Variants in DCDC2C observed in about 807,000 individuals in gnomAD.
DCDC2C encodes the protein doublecortin domain containing 2C, also known as doublecortin domain-containing protein 2C.
In DCDC2C, 44 loss-of-function variants were observed where a neutral mutation model predicts 45.0. The ratio of observed to expected loss-of-function variants is 0.98; its 90% CI spans 0.77 to 1.26. The LOEUF (loss-of-function observed/expected upper bound fraction) is 1.26, where lower values mean the gene tolerates loss of function less well. DCDC2C is among the 50% of genes most tolerant of loss of function. The probability of loss-of-function intolerance (pLI) is 0.00; values close to 1 mark genes in which losing one functional copy is unlikely to be tolerated. For missense variants in DCDC2C, 447 were observed against 468.9 expected (o/e 0.95, Z 0.43); for synonymous variants, 187 against 178.8 (o/e 1.05, Z -0.37).
chr2:3,741,930 A>G lies in DCDC2C; in HGVS notation c.427A>G (p.Asn143Asp). 1 of 1,547,276 alleles carries G rather than the reference A, an allele frequency of 6.5e-7. No homozygotes were observed. The highest frequency in any genetic ancestry group is 8.7e-7 in the Non-Finnish European group (1 of 1,145,758). The change falls in exon 4 of 11, where the codon AAT becomes GAT. Residue 143 changes from asparagine to aspartate, a missense_variant. Transcript: ENST00000399143. ...RISRHINVFT[N>D]GRLFIPPAKI... Reference sequence around the variant, plus strand: ...TTTTTATTCTTACAGTGTTTTTACAAATGGAAGATTATTTATTCCACCTGC... The same window carrying G: ...TTTTTATTCTTACAGTGTTTTTACAGATGGAAGATTATTTATTCCACCTGC...
At chr2:3,767,443 C>A (rs571653445) in intron 6 of DCDC2C, among the ~76,000 whole-genome samples, 15 of 152,314 alleles carry the variant, frequency 9.8e-5, no homozygotes, top group African/African-American at 3.6e-4. Flanking sequence ...CTTGCTTGTT[C>A]CTCTAAAGCA....
At chr2:3,837,073 TC>T (rs1672098996) in intron 10 of DCDC2C, among the ~76,000 whole-genome samples, 1 of 152,166 alleles carries the variant, frequency 6.6e-6, no homozygotes, top group Non-Finnish European at 1.5e-5. Flanking sequence ...CCTTCAGCCT[TC>T]CTTTCCGTCT....
chr2:3,765,348 T>C (rs1278281561), intron 6 of DCDC2C, among the ~76,000 whole-genome samples: 3 of 152,140 alleles, frequency 2.0e-5, no homozygotes, highest in African/African-American at 7.2e-5. Context: ...CAGGGTGTCA[T>C]AGGGACACAT....
At chr2:3,772,945 T>C (rs1670221878) in intron 8 of DCDC2C, among the ~76,000 whole-genome samples, 1 of 152,194 alleles carries the variant, frequency 6.6e-6, no homozygotes, top group African/African-American at 2.4e-5. Context: ...CTGTGGGTGC[T>C]CATCTGTGGC....
chr2:3,760,326 T>C (rs1204900656), intron 6 of DCDC2C, among the ~76,000 whole-genome samples: 1 of 152,250 alleles, frequency 6.6e-6, no homozygotes, highest in Non-Finnish European at 1.5e-5. Context: ...ATCCCATTAC[T>C]GGGTATATAC....
chr2:3,731,172 T>C (rs1304761640), intron 3 of DCDC2C, among the ~76,000 whole-genome samples: 1 of 152,156 alleles, frequency 6.6e-6, no homozygotes, highest in Non-Finnish European at 1.5e-5. Context: ...TCCGTCACCA[T>C]AGGCGAGGGT....
At chr2:3,706,132 T>G (rs969557055) in intron 1 of DCDC2C, among the ~76,000 whole-genome samples, 1 of 152,234 alleles carries the variant, frequency 6.6e-6, no homozygotes, top group Non-Finnish European at 1.5e-5. Flanking sequence ...CTCTTGGAAA[T>G]TTATATTCTG....
At chr2:3,717,525 C>T (rs1229154058) in intron 2 of DCDC2C, among the ~76,000 whole-genome samples, 4 of 149,870 alleles carry the variant, frequency 2.7e-5, no homozygotes, top group African/African-American at 4.9e-5. Flanking sequence ...GTTGGCTGCT[C>T]CTAGCCTTGT....
intron 10 of DCDC2C, among the ~76,000 whole-genome samples, chr2:3,837,602 T>A (rs1316748598): frequency 1.3e-5 from 2 of 150,842 alleles, no homozygotes; most frequent in Non-Finnish European, 3.0e-5. Flanking sequence ...TGTTCTCATC[T>A]AAAGGGGAAG....
intron 10 of DCDC2C, among the ~76,000 whole-genome samples, chr2:3,789,713 A>G (rs11886534): frequency 0.48 from 72,301 of 152,036 alleles, 17,801 homozygotes; most frequent in East Asian, 0.82. Context: ...TTTCCTGTCC[A>G]GGGGTACTGA....
At chr2:3,738,577 C>T (rs1281803618) in intron 3 of DCDC2C, among the ~76,000 whole-genome samples, 2 of 145,422 alleles carry the variant, frequency 1.4e-5, no homozygotes, top group South Asian at 2.2e-4. Flanking sequence ...AAAAGCCTCC[C>T]AGCTTATATC....
rs1400701961 is a variant in DCDC2C, at chr2:3,703,611, C to G, written c.-141C>G. On this transcript the variant is annotated 5_prime_UTR_variant, in exon 1 of 11. Transcript: ENST00000399143. The surrounding 1 kb of genome is among the most constrained non-coding windows in gnomAD (Gnocchi z 4.4). ...GTCCCCGTCCAGCCCCCGTCCCGTCCCCGTCCCGTCCCCGTCCTGCGCCAG... is the reference window on the plus strand; with the variant it reads ...GTCCCCGTCCAGCCCCCGTCCCGTCGCCGTCCCGTCCCCGTCCTGCGCCAG... The G allele has an allele frequency of 1.2e-6, 1 of 832,362 alleles. No individual in the cohort carries two copies. The highest frequency in any genetic ancestry group is 1.6e-6 in the Non-Finnish European group (1 of 633,320). The allele number at this position is 832,362 out of a possible 1,614,324, so 51.6% of individuals were successfully genotyped here.
chr2:3,776,744 T>C (rs1227127135), intron 8 of DCDC2C, among the ~76,000 whole-genome samples: 3 of 152,180 alleles, frequency 2.0e-5, no homozygotes, highest in Non-Finnish European at 4.4e-5. Flanking sequence ...TCCAGGAACA[T>C]ATGCACATCT....
chr2:3,704,141 C>T, intron 1 of DCDC2C, 103 bp downstream of exon 1: 1 of 1,071,218 alleles, frequency 9.3e-7, no homozygotes, highest in East Asian at 3.3e-5. Flanking sequence ...CCAGGCTTCC[C>T]TCCCGGCTCG....
At chr2:3,822,108 T>C (rs1671701191) in intron 10 of DCDC2C, among the ~76,000 whole-genome samples, 1 of 152,252 alleles carries the variant, frequency 6.6e-6, no homozygotes, top group African/African-American at 2.4e-5. Context: ...CTTCTCTTAC[T>C]CAGCATAATG....
intron 3 of DCDC2C, among the ~76,000 whole-genome samples, chr2:3,740,125 TCTGACC>T (rs572643589): frequency 1.5e-3 from 236 of 152,366 alleles, no homozygotes; most frequent in Non-Finnish European, 2.0e-3. Context: ...ATTAATTATA[TCTGACC>T]GTTTTTCCCC....
At position 3,841,722 on chromosome 2, in the gene DCDC2C, G is replaced by A. The variant is rs149422087; in HGVS notation, c.1066-5432G>A. 8.8e-3 allele frequency among the ~76,000 whole-genome samples: 1,342 copies of A among 151,970 alleles called. 26 individuals are homozygous for A. The highest frequency in any genetic ancestry group is 0.03 in the African/African-American group (1,259 of 41,508). ...GGAGGGCGCTAAGTTAGCACGCGGC[G>A]TGAGCGGCCGGGCAGGTCTTCCTGT... On this transcript the variant is annotated intron_variant, in intron 10 of 10. Coordinates refer to ENST00000399143, the MANE Select transcript of DCDC2C (RefSeq NM_001287444.2).
intron 6 of DCDC2C, among the ~76,000 whole-genome samples, chr2:3,764,426 C>G (rs1340436453): frequency 6.6e-6 from 1 of 152,148 alleles, no homozygotes; most frequent in African/African-American, 2.4e-5. Context: ...TCAACAAGCT[C>G]TATTCTGGAG....
At chr2:3,715,054 A>G (rs1057381041) in intron 2 of DCDC2C, among the ~76,000 whole-genome samples, 3 of 152,228 alleles carry the variant, frequency 2.0e-5, no homozygotes, top group African/African-American at 7.2e-5. Context: ...ACATGTACAC[A>G]TATACCTACA....
Sources: gnomAD v4.1 joint callset for allele counts (sites outside exome capture counted in the v4.1 genomes callset) on GRCh38, gnomAD v4.1.1 for gene constraint, Gnocchi (gnomAD v3.1) non-coding constraint, MANE v1.5 for transcripts, NCBI Gene and HGNC (gene_info 2026-07-23, HGNC 2026-07-21) for gene names.